WDR70: variants seen among roughly 807,000 people sequenced by gnomAD.
WDR70 encodes the protein WD repeat-containing protein 70.
A neutral mutation model predicts 88.6 loss-of-function variants in WDR70; 53 were observed. The ratio of observed to expected loss-of-function variants is 0.60; its 90% CI spans 0.48 to 0.75. The LOEUF is 0.75. Ranked by LOEUF, WDR70 falls within the 30% of genes least tolerant of loss-of-function variation. The probability of loss-of-function intolerance (pLI) is 0.00; values close to 1 mark genes in which losing one functional copy is unlikely to be tolerated. For missense variants in WDR70, 610 were observed against 823.2 expected (o/e 0.74, Z 3.17); for synonymous variants, 280 against 270.0 (o/e 1.04, Z -0.36).
At position 37,571,505 on chromosome 5, in the gene WDR70, ATTTG is replaced by A. The variant is rs566079096; in HGVS notation, c.918-33555_918-33552del. On this transcript the variant is annotated intron_variant, in intron 9 of 17. Transcript: ENST00000265107. ...AGGATTATTTTAAGTCCATGTATTC[ATTTG>A]TTTAAGTTAAGTATATTAAGCCACT... Among the ~76,000 whole-genome samples, 447 of 152,278 alleles carry A rather than the reference ATTTG, an allele frequency of 2.9e-3. 2 individuals are homozygous for A. Among genetic ancestry groups the A allele is most frequent in the African/African-American group, 0.01 (422 of 41,576 alleles).
chr5:37,702,804 C>T (rs4431371), intron 12 of WDR70, 145 bp from the exon 13 acceptor site: 358,792 of 729,534 alleles, frequency 0.49, 92,662 homozygotes, highest in Non-Finnish European at 0.54. Flanking sequence ...ATTATTGTGA[C>T]GATTAAACAA....
At chr5:37,425,152 G>A (rs966586904) in intron 5 of WDR70, among the ~76,000 whole-genome samples, 1 of 152,186 alleles carries the variant, frequency 6.6e-6, no homozygotes, top group African/African-American at 2.4e-5. Flanking sequence ...CGGCTAAGGT[G>A]GAAGGATCAT....
At chr5:37,581,201 A>G (rs61580594) in intron 9 of WDR70, among the ~76,000 whole-genome samples, 3 of 138,608 alleles carry the variant, frequency 2.2e-5, no homozygotes, top group African/African-American at 1.0e-4. Context: ...ACAGTATCCT[A>G]AACAAAAAAC....
At chr5:37,619,970 A>C (rs1380339075) in intron 10 of WDR70, 1 of 140,408 alleles carries the variant, frequency 7.1e-6, no homozygotes, top group Non-Finnish European at 1.5e-5. Flanking sequence ...TAGCAAAATG[A>C]TACAAAACTG....
intron 5 of WDR70, among the ~76,000 whole-genome samples, chr5:37,401,654 G>C (rs1420215002): frequency 6.6e-6 from 1 of 152,022 alleles, no homozygotes. Flanking sequence ...AGAGGTGGGG[G>C]TCTCACCATC....
chr5:37,478,640 G>A (rs1739559563), intron 7 of WDR70, among the ~76,000 whole-genome samples: 1 of 152,162 alleles, frequency 6.6e-6, no homozygotes, highest in African/African-American at 2.4e-5. Flanking sequence ...TGTTCCACAG[G>A]GAGATCTGAA....
At chr5:37,521,685 T>C (rs1741093123) in intron 9 of WDR70, among the ~76,000 whole-genome samples, 2 of 147,382 alleles carry the variant, frequency 1.4e-5, no homozygotes, top group African/African-American at 2.5e-5. Flanking sequence ...TTTTTGTGGC[T>C]GAGTAGTAGT....
chr5:37,698,260 A>G (rs764736768), intron 11 of WDR70, among the ~76,000 whole-genome samples: 6 of 152,098 alleles, frequency 3.9e-5, no homozygotes, highest in Non-Finnish European at 8.8e-5. Flanking sequence ...ACTTATCCAC[A>G]TTTGTATGGT....
intron 5 of WDR70, among the ~76,000 whole-genome samples, chr5:37,430,646 C>T (rs560132830): frequency 3.4e-4 from 52 of 151,916 alleles, no homozygotes; most frequent in Non-Finnish European, 4.6e-4. Flanking sequence ...CTGCAACCTC[C>T]GCTTCCTGGG....
intron 10 of WDR70, among the ~76,000 whole-genome samples, chr5:37,686,662 T>C (rs1036690555): frequency 1.3e-5 from 2 of 151,958 alleles, no homozygotes; most frequent in African/African-American, 4.8e-5. Flanking sequence ...GCTCCAGAAA[T>C]TGACTGATAT....
At position 37,551,423 on chromosome 5, in the gene WDR70, T is replaced by G. The variant is rs184657611; in HGVS notation, c.917+34833T>G. ...ACTATTTATGTCTTATTGTGCTGTC[T>G]GTGTCTTGAAAAAGTTATTATTTTA... On this transcript the variant is annotated intron_variant, in intron 9 of 17. Coordinates refer to ENST00000265107, the MANE Select transcript of WDR70 (RefSeq NM_018034.4). 9.0e-4 allele frequency among the ~76,000 whole-genome samples: 137 copies of G among 151,952 alleles called. 1 individual carries two copies. Among genetic ancestry groups the G allele is most frequent in the African/African-American group, 3.2e-3 (132 of 41,492 alleles).
At chr5:37,412,074 A>G (rs1399019183) in intron 5 of WDR70, among the ~76,000 whole-genome samples, 1 of 152,106 alleles carries the variant, frequency 6.6e-6, no homozygotes, top group African/African-American at 2.4e-5. Flanking sequence ...AGTGGGAAGT[A>G]TCAGAGAAAA....
At chr5:37,597,263 T>C (rs1275169232) in intron 9 of WDR70, among the ~76,000 whole-genome samples, 3 of 152,194 alleles carry the variant, frequency 2.0e-5, no homozygotes, top group Non-Finnish European at 4.4e-5. Flanking sequence ...TTTAACTTTA[T>C]AAGAAACTGT....
chr5:37,619,456 A>T (rs1455564416), intron 10 of WDR70, among the ~76,000 whole-genome samples: 1 of 152,178 alleles, frequency 6.6e-6, no homozygotes, highest in Non-Finnish European at 1.5e-5. Flanking sequence ...GTTTCTCAGC[A>T]TCAGGACAGC....
chr5:37,617,529 C>T (rs115700252), intron 10 of WDR70, among the ~76,000 whole-genome samples: 1,677 of 152,280 alleles, frequency 0.011, 39 homozygotes, highest in African/African-American at 0.039. Flanking sequence ...CCCTAGTTCT[C>T]TTGCCACTGG....
Position 37,746,633 on chromosome 5 carries a change from A to G in WDR70, c.1878-5853A>G, listed in dbSNP as rs1457769217. On this transcript the variant is annotated intron_variant, in intron 17 of 17. Transcript: ENST00000265107. ...ATACAAACTACCATCAGAGAATACT[A>G]TGAACACCTCTGAGCAAATAAACTA... Among the ~76,000 whole-genome samples the G allele has an allele frequency of 2.0e-5, 3 of 152,156 alleles. No individual in the cohort carries two copies. In the East Asian group the frequency reaches 5.8e-4, roughly 29 times the overall value.
intron 5 of WDR70, among the ~76,000 whole-genome samples, chr5:37,435,320 A>C (rs1421140471): frequency 6.6e-6 from 1 of 152,170 alleles, no homozygotes; most frequent in Non-Finnish European, 1.5e-5. Context: ...TAAGTAGAAC[A>C]TTTCAAGTAT....
chr5:37,523,267 C>T (rs549649629), intron 9 of WDR70, among the ~76,000 whole-genome samples: 34 of 152,304 alleles, frequency 2.2e-4, no homozygotes, highest in Middle Eastern at 3.4e-3. Flanking sequence ...AGCTGGGTAC[C>T]GCTCTGAGAC....
At chr5:37,535,158 C>T (rs77077720) in intron 9 of WDR70, among the ~76,000 whole-genome samples, 25,910 of 151,192 alleles carry the variant, frequency 0.17, 2,325 homozygotes, top group South Asian at 0.27. Context: ...TAAAGCAAAA[C>T]GATAAAGAGT....
Sources: allele counts gnomAD v4.1 joint callset (sites outside exome capture counted in the v4.1 genomes callset), GRCh38; gene constraint gnomAD v4.1.1; transcripts MANE v1.5; gene names NCBI Gene and HGNC (gene_info 2026-07-23, HGNC 2026-07-21).